Variants in CBR4 observed in about 807,000 individuals in gnomAD.
CBR4 encodes the protein 3-oxoacyl-[acyl-carrier-protein] reductase.
Under a neutral mutation model 21.0 loss-of-function variants are expected in CBR4, and 22 were observed. The observed-to-expected ratio is 1.05, with a 90% CI of 0.75 to 1.50. The LOEUF (loss-of-function observed/expected upper bound fraction) is 1.50, where lower values mean the gene tolerates loss of function less well. Ranked by LOEUF, CBR4 falls within the 40% of genes most tolerant of loss-of-function variation. The pLI is 0.00. For missense variants in CBR4, 302 were observed against 286.3 expected, an observed-to-expected ratio of 1.05 and a Z score of -0.40; for synonymous variants, 100 against 104.4, an observed-to-expected ratio of 0.96 and a Z score of 0.26.
rs1764796835 is a variant in CBR4, at chr4:168,989,145, T to C, written c.*1005A>G. The C allele has an allele frequency of 4.1e-6, 4 of 967,886 alleles. No individual in the cohort carries two copies. Among genetic ancestry groups the C allele is most frequent in the Non-Finnish European group, 3.7e-6 (3 of 813,864 alleles). The allele number at this position is 967,886 out of a possible 1,614,324, so 60.0% of individuals were successfully genotyped here. A position where few individuals can be genotyped will look rare whatever the true frequency, so the allele number is the denominator to read the frequency against. ...TTTATTTATTTTTTATGCTTATTCATACAGAATTTATTACTTTCTAGAATT... is the reference window on the plus strand; with the variant it reads ...TTTATTTATTTTTTATGCTTATTCACACAGAATTTATTACTTTCTAGAATT... On this transcript the variant is annotated 3_prime_UTR_variant, in exon 5 of 5. Transcript: ENST00000306193.
At chr4:168,947,237 T>C (rs1234863254) in intron 2 of CBR4, among the ~76,000 whole-genome samples, 5 of 152,180 alleles carry the variant, frequency 3.3e-5, no homozygotes, top group South Asian at 2.1e-4. Flanking sequence ...TAGTTTCTTT[T>C]AGTCTAAAAA....
chr4:168,926,947 T>TA, intron 2 of CBR4: 2 of 219,424 alleles, frequency 9.1e-6, no homozygotes, highest in Non-Finnish European at 1.8e-5. Context: ...CTACTTGCCT[T>TA]AAATGTTAAT....
intron 2 of CBR4, chr4:168,896,698 A>G (rs1755255498): frequency 2.8e-6 from 2 of 703,118 alleles, no homozygotes; most frequent in Non-Finnish European, 4.9e-6. Context: ...TCTGCCATAT[A>G]TTAATTATAA....
chr4:168,913,136 CTTTTT>C (rs33986728), intron 2 of CBR4, among the ~76,000 whole-genome samples: 1 of 119,036 alleles, frequency 8.4e-6, no homozygotes, highest in Non-Finnish European at 1.8e-5. Context: ...ATGCCACTAA[CTTTTT>C]TTTTTTTTTT....
chr4:168,929,095 C>T (rs990053984), intron 2 of CBR4, among the ~76,000 whole-genome samples: 5 of 151,838 alleles, frequency 3.3e-5, no homozygotes, highest in South Asian at 2.1e-4. Context: ...AGTGCCATGA[C>T]GTACAAGGAT....
At chr4:168,957,490 G>A (rs62333038) in intron 2 of CBR4, among the ~76,000 whole-genome samples, 5 of 152,030 alleles carry the variant, frequency 3.3e-5, no homozygotes, top group Non-Finnish European at 5.9e-5. Context: ...CAACTTAACT[G>A]AGGTGTAACT....
chr4:168,990,436 T>TA (rs966687743), intron 4 of CBR4, 108 bp from the exon 5 acceptor site: 11 of 978,774 alleles, frequency 1.1e-5, no homozygotes, highest in African/African-American at 1.7e-5. Context: ...TGAAATTATT[T>TA]AAAAAAAAAT....
chr4:168,972,161 A>G (rs946015621), intron 2 of CBR4, among the ~76,000 whole-genome samples: 15 of 152,166 alleles, frequency 9.9e-5, no homozygotes, highest in African/African-American at 3.6e-4. Flanking sequence ...TTATACCAGT[A>G]TCATGCTATT....
rs552564014 is a variant in CBR4, at chr4:168,951,304, G to A, written n.169+50767C>T. Among the ~76,000 whole-genome samples the A allele has an allele frequency of 4.3e-4, 66 of 152,210 alleles. No homozygotes were observed. The East Asian group carries it at 5.4e-3, about 12-fold the overall frequency. ...GATCTCTTGACCTCGTGATCCACCC[G>A]CCTCGGCCTCCCAAATGCTGGGATT... On this transcript the variant is annotated intron_variant and non_coding_transcript_variant, in intron 2 of 3. Transcript: ENST00000509108.
At chr4:168,898,231 C>T (rs1040102146) in intron 2 of CBR4, 13 of 502,224 alleles carry the variant, frequency 2.6e-5, no homozygotes, top group Non-Finnish European at 4.0e-5. Context: ...CCCCTCGCCT[C>T]AGAGAAAAGA....
chr4:168,949,742 G>A (rs537168736), intron 2 of CBR4, among the ~76,000 whole-genome samples: 1 of 151,976 alleles, frequency 6.6e-6, no homozygotes, highest in Non-Finnish European at 1.5e-5. Context: ...GAATCTGTCT[G>A]GTCCTGGACT....
At chr4:168,985,641 C>T (rs1424279065), downstream of CBR4, among the ~76,000 whole-genome samples, 1 of 152,012 alleles carries the variant, frequency 6.6e-6, no homozygotes, top group African/African-American at 2.4e-5. Context: ...AGATCCCCAT[C>T]AATAGTGGAC....
chr4:168,957,842 T>C lies in CBR4; in HGVS notation n.169+44229A>G, dbSNP rs139046034. On this transcript the variant is annotated intron_variant and non_coding_transcript_variant, in intron 2 of 3. Transcript: ENST00000509108. Reference sequence around the variant, plus strand: ...GAGGTAATTGAATCATGGGGGTAGTTACCTCCATGCTGTTCTCGTGATAGT... The same window carrying C: ...GAGGTAATTGAATCATGGGGGTAGTCACCTCCATGCTGTTCTCGTGATAGT... Among the ~76,000 whole-genome samples, 11 of 152,228 alleles carry C rather than the reference T, an allele frequency of 7.2e-5. No homozygotes were observed. The East Asian group carries it at 2.1e-3, about 29-fold the overall frequency.
At chr4:168,919,213 C>A (rs1054570349) in intron 2 of CBR4, among the ~76,000 whole-genome samples, 2 of 152,108 alleles carry the variant, frequency 1.3e-5, no homozygotes, top group African/African-American at 4.8e-5. Context: ...CTATGATGAT[C>A]TGACCTGGAT....
chr4:169,006,711 T>C (rs751807937), intron 3 of CBR4, 44 bp downstream of exon 3: 1 of 1,495,512 alleles, frequency 6.7e-7, no homozygotes, highest in Non-Finnish European at 9.2e-7. Context: ...TTTTATGGTA[T>C]GGTATTATGG....
intron 2 of CBR4, among the ~76,000 whole-genome samples, chr4:168,932,563 T>C (rs921318624): frequency 1.3e-5 from 2 of 152,188 alleles, no homozygotes; most frequent in African/African-American, 2.4e-5. Context: ...GATGAACATC[T>C]AGCTCTAAGA....
At chr4:168,975,462 T>C (rs1484946193) in intron 2 of CBR4, among the ~76,000 whole-genome samples, 3 of 152,232 alleles carry the variant, frequency 2.0e-5, no homozygotes, top group Admixed American at 1.3e-4. Context: ...TTACCTGTTG[T>C]ATTCTCCTTC....
chr4:168,981,569 T>C (rs771425833), intron 2 of CBR4, among the ~76,000 whole-genome samples: 1 of 152,098 alleles, frequency 6.6e-6, no homozygotes, highest in Non-Finnish European at 1.5e-5. Context: ...CTCAGTCAGA[T>C]AATAAAGAGA....
At position 168,904,678 on chromosome 4, in the gene CBR4, G is replaced by GA. The variant is rs899817345; in HGVS notation, n.170-9914dup. The stretch of plus-strand genomic sequence containing the variant: ...AGTATAAATAACACACTTTTAAAAA[G>GA]AAAAAAAAAGGCATGGTAAAATGAG... On this transcript the variant is annotated intron_variant and non_coding_transcript_variant, in intron 2 of 3. Transcript: ENST00000509108. 1.0e-4 allele frequency among the ~76,000 whole-genome samples: 15 copies of GA among 149,010 alleles called. No homozygotes were observed. The East Asian group carries it at 1.4e-3, about 14-fold the overall frequency.
Sources: allele counts gnomAD v4.1 joint callset (sites outside exome capture counted in the v4.1 genomes callset), GRCh38; gene constraint gnomAD v4.1.1; transcripts MANE v1.5; gene names NCBI Gene and HGNC (gene_info 2026-07-23, HGNC 2026-07-21).